The following CFAP36 variants were observed in gnomAD, a reference collection of about 807,000 sequenced individuals.
CFAP36 encodes cilia- and flagella-associated protein 36.
A neutral mutation model predicts 50.5 loss-of-function variants in CFAP36; 37 were observed. The observed-to-expected ratio is 0.73, with a 90% CI of 0.56 to 0.96. The LOEUF is 0.96. Ranked by LOEUF, CFAP36 falls within the 50% of genes least tolerant of loss-of-function variation. The probability of loss-of-function intolerance (pLI) is 0.00; values close to 1 mark genes in which losing one functional copy is unlikely to be tolerated. For synonymous variants in CFAP36, 138 were observed against 128.2 expected (o/e 1.08, Z -0.52); for missense variants, 407 against 396.2 (o/e 1.03, Z -0.23).
chr2:55,527,380 C>G lies in CFAP36; in HGVS notation c.283-1498C>G, dbSNP rs556797048. On this transcript the variant is annotated intron_variant, in intron 3 of 9. Coordinates refer to ENST00000349456, the MANE Select transcript of CFAP36 (RefSeq NM_080667.7). ...GGTGGATCACTTGAGGTCAGGAGTT[C>G]GAGACCAGCCTGGCCAACGTGGTGA... Among the ~76,000 whole-genome samples the G allele has an allele frequency of 2.0e-5, 3 of 151,348 alleles. No individual in the cohort carries two copies. In the East Asian group the frequency reaches 5.9e-4, roughly 30 times the overall value.
intron 7 of CFAP36, among the ~76,000 whole-genome samples, chr2:55,541,248 C>T (rs1316290423): frequency 7.2e-5 from 11 of 152,100 alleles, no homozygotes; most frequent in African/African-American, 1.9e-4. Context: ...CGCTTGAACC[C>T]GGGAGGAAGA....
intron 1 of CFAP36, chr2:55,520,492 C>T: frequency 1.3e-6 from 2 of 1,535,618 alleles, no homozygotes; most frequent in Non-Finnish European, 1.8e-6. Context: ...GAGCTCTCTA[C>T]TCTTCGCTAT....
At chr2:55,538,990 A>C in intron 7 of CFAP36, 1 of 1,293,002 alleles carries the variant, frequency 7.7e-7, no homozygotes, top group Non-Finnish European at 1.0e-6. Flanking sequence ...TTCACAGTAA[A>C]ATTGAGCAGA....
intron 4 of CFAP36, among the ~76,000 whole-genome samples, chr2:55,529,677 C>T (rs1457982500): frequency 2.0e-4 from 26 of 132,496 alleles, no homozygotes; most frequent in Admixed American, 1.2e-3. Flanking sequence ...GACGGAGTCT[C>T]GCTCTGTTGC....
chr2:55,545,040 C>G lies in CFAP36; in HGVS notation c.*32C>G, dbSNP rs1468110070. 7.8e-7 allele frequency: 1 copy of G among 1,275,682 alleles called. No individual in the cohort carries two copies. Among genetic ancestry groups the G allele is most frequent in the African/African-American group, 1.5e-5 (1 of 65,802 alleles). 79.0% of individuals were successfully genotyped at this position (1,275,682 alleles called of 1,614,324 possible). ...AGAACAATTTAACAAAATGGAAGTT[C>G]AAATTGTCTTAAAAATAAATTATTT... On this transcript the variant is annotated 3_prime_UTR_variant, in exon 10 of 10. Transcript: ENST00000349456.
In CFAP36 at chr2:55,529,497, C is replaced by T. The variant is rs573312997; in HGVS notation, c.397+505C>T. 1.0e-3 allele frequency among the ~76,000 whole-genome samples: 152 copies of T among 152,034 alleles called. 1 individual carries two copies. The highest frequency in any genetic ancestry group is 4.2e-3 in the South Asian group (20 of 4,812). On this transcript the variant is annotated intron_variant, in intron 4 of 9. Transcript: ENST00000349456. ...GAAAGGAGACCAGAATTCAATGATA[C>T]TTTGGATTTCACAGAGTTCAATTTT...
chr2:55,529,052 A>G, intron 4 of CFAP36, 60 bp downstream of exon 4: 3 of 1,142,326 alleles, frequency 2.6e-6, no homozygotes, highest in Non-Finnish European at 3.8e-6. Context: ...AGTTTTGACT[A>G]TTCTAATATG....
chr2:55,535,618 T>A, intron 5 of CFAP36, 94 bp from the exon 6 acceptor site: 1 of 944,282 alleles, frequency 1.1e-6, no homozygotes. Flanking sequence ...GTGCCTTTTA[T>A]TGTAAGCTTA....
Position 55,519,798 on chromosome 2 carries a change from C to T in CFAP36, c.-4C>T, listed in dbSNP as rs749665952. On this transcript the variant is annotated 5_prime_UTR_variant, in exon 1 of 10. Coordinates refer to ENST00000349456, the MANE Select transcript of CFAP36 (RefSeq NM_080667.7). ...GATCTTCCCCGTTGCCCCTTTGGGG[C>T]GGGATGGCTGCGGAAGAAGAAGACG... The T allele has an allele frequency of 5.0e-6, 8 of 1,614,112 alleles. No homozygotes were observed. The East Asian group carries it at 8.9e-5, about 18-fold the overall frequency.
intron 7 of CFAP36, among the ~76,000 whole-genome samples, chr2:55,541,762 G>A (rs550801209): frequency 6.6e-6 from 1 of 152,118 alleles, no homozygotes; most frequent in Non-Finnish European, 1.5e-5. Flanking sequence ...GTGAGAGAGG[G>A]GACATTTTTG....
intron 4 of CFAP36, 134 bp downstream of exon 4, chr2:55,529,126 A>G (rs1684286405): frequency 1.5e-6 from 1 of 660,032 alleles, no homozygotes; most frequent in African/African-American, 1.9e-5. Flanking sequence ...CTGACTTGAG[A>G]TTTTAGAGTA....
intron 4 of CFAP36, among the ~76,000 whole-genome samples, chr2:55,529,322 T>C (rs944469345): frequency 3.3e-5 from 5 of 151,470 alleles, no homozygotes; most frequent in Non-Finnish European, 2.9e-5. Flanking sequence ...CTTGGGAGGC[T>C]GAGGCAGGAG....
intron 5 of CFAP36, among the ~76,000 whole-genome samples, chr2:55,534,659 T>G (rs1684436165): frequency 6.6e-6 from 1 of 152,206 alleles, no homozygotes; most frequent in Admixed American, 6.5e-5. Flanking sequence ...ATATATTAGA[T>G]TTAGGGCAAA....
intron 3 of CFAP36, among the ~76,000 whole-genome samples, chr2:55,525,791 C>G (rs551425740): frequency 3.3e-5 from 5 of 152,228 alleles, no homozygotes; most frequent in African/African-American, 1.2e-4. Flanking sequence ...CCACCATGCC[C>G]GGCTAAGTTT....
chr2:55,537,375 G>GA (rs1046156777), intron 6 of CFAP36, 108 bp from the exon 7 acceptor site: 14,744 of 678,538 alleles, frequency 0.022, no homozygotes, highest in South Asian at 0.025. Flanking sequence ...TGTCTCAAAA[G>GA]AAAAAAAAAA....
At chr2:55,523,940 T>C (rs974259516) in intron 3 of CFAP36, 118 bp downstream of exon 3, 35 of 608,176 alleles carry the variant, frequency 5.8e-5, no homozygotes, top group Non-Finnish European at 5.4e-6. Flanking sequence ...TTGTGAGAGG[T>C]AGAAAGATAA....
chr2:55,540,271 T>G (rs1013842105), intron 7 of CFAP36, among the ~76,000 whole-genome samples: 2 of 152,230 alleles, frequency 1.3e-5, no homozygotes, highest in African/African-American at 2.4e-5. Context: ...CATTTTACAT[T>G]TAGGTCTGTG....
At chr2:55,529,421 CA>C (rs562874118) in intron 4 of CFAP36, among the ~76,000 whole-genome samples, 360 of 120,948 alleles carry the variant, frequency 3.0e-3, no homozygotes, top group Middle Eastern at 8.5e-3. Flanking sequence ...GACCCTGTCT[CA>C]AAAAAAAAAA....
intron 7 of CFAP36, chr2:55,539,176 G>C (rs1684570515): frequency 1.8e-5 from 3 of 166,316 alleles, no homozygotes; most frequent in African/African-American, 4.8e-5. Flanking sequence ...TATATTCTGT[G>C]GATTTTGACA....
Sources: gnomAD v4.1 joint callset for allele counts (sites outside exome capture counted in the v4.1 genomes callset) on GRCh38, gnomAD v4.1.1 for gene constraint, MANE v1.5 for transcripts, NCBI Gene and HGNC (gene_info 2026-07-23, HGNC 2026-07-21) for gene names.